The following NF2 variants were observed in gnomAD, a reference collection of about 807,000 sequenced individuals.
NF2 encodes the protein NF2, moesin-ezrin-radixin like (MERLIN) tumor suppressor, also known as merlin.
NF2 carries 8 observed loss-of-function variants against 83.7 expected under a neutral mutation model. That is an observed-to-expected ratio of 0.10 (90% confidence interval 0.06 to 0.17). The LOEUF is 0.17. Ranked by LOEUF, NF2 falls within the 10% of genes least tolerant of loss-of-function variation. The probability of loss-of-function intolerance (pLI) is 1.00; values close to 1 mark genes in which losing one functional copy is unlikely to be tolerated. For synonymous variants in NF2, 266 were observed against 269.6 expected, an observed-to-expected ratio of 0.99 and a Z score of 0.13; for missense variants, 533 against 744.4, an observed-to-expected ratio of 0.72 and a Z score of 3.31.
chr22:29,605,226 C>T (rs544873714), intron 1 of NF2, among the ~76,000 whole-genome samples: 24 of 148,910 alleles, frequency 1.6e-4, no homozygotes, highest in Non-Finnish European at 2.8e-4. Context: ...AGTGCAATGG[C>T]GCGATCTTGT....
Position 29,690,717 on chromosome 22 carries a change from C to T in NF2, c.1738-4035C>T, listed in dbSNP as rs183465323. On this transcript the variant is annotated intron_variant, in intron 15 of 15. Coordinates refer to ENST00000338641, the MANE Select transcript of NF2 (RefSeq NM_000268.4). Reference sequence around the variant, plus strand: ...CTTAATTCCTCCTGTGTTATTCACACGGCTGATTCTAATCAGATGTGAAGA... The same window carrying T: ...CTTAATTCCTCCTGTGTTATTCACATGGCTGATTCTAATCAGATGTGAAGA... Among the ~76,000 whole-genome samples the T allele has an allele frequency of 1.5e-3, 221 of 152,338 alleles. 1 individual carries two copies. Among genetic ancestry groups the T allele is most frequent in the African/African-American group, 4.4e-3 (184 of 41,580 alleles).
At chr22:29,665,232 A>G (rs1439631003) in intron 9 of NF2, among the ~76,000 whole-genome samples, 168 bp downstream of exon 9, 1 of 135,304 alleles carries the variant, frequency 7.4e-6, no homozygotes. Flanking sequence ...TATATCATGA[A>G]GAAGTTTTTT....
At chr22:29,681,006 A>G (rs531951712) in intron 14 of NF2, among the ~76,000 whole-genome samples, 2 of 151,726 alleles carry the variant, frequency 1.3e-5, no homozygotes, top group Admixed American at 6.6e-5. Flanking sequence ...AGAGCCCCCT[A>G]TGAGAATTTA....
intron 1 of NF2, among the ~76,000 whole-genome samples, chr22:29,633,743 TA>T (rs967736219): frequency 6.6e-6 from 1 of 152,106 alleles, no homozygotes; most frequent in African/African-American, 2.4e-5. Context: ...GCATGACTTT[TA>T]AAAAAAGACT....
At chr22:29,652,045 G>A (rs528203833) in intron 4 of NF2, among the ~76,000 whole-genome samples, 2 of 152,238 alleles carry the variant, frequency 1.3e-5, no homozygotes, top group African/African-American at 4.8e-5. Flanking sequence ...ATGCTTACCT[G>A]TATTGTTTTA....
intron 1 of NF2, among the ~76,000 whole-genome samples, chr22:29,627,930 C>A (rs2065407948): frequency 6.6e-6 from 1 of 152,114 alleles, no homozygotes; most frequent in South Asian, 2.1e-4. Flanking sequence ...AAAATATATA[C>A]CTTAAGGCCT....
intron 4 of NF2, among the ~76,000 whole-genome samples, chr22:29,646,898 G>A (rs1192373091): frequency 6.6e-6 from 1 of 152,040 alleles, no homozygotes; most frequent in Non-Finnish European, 1.5e-5. Context: ...ACAAAAATTA[G>A]CCAGGCGTGG....
At chr22:29,686,263 C>T (rs751860268) in intron 15 of NF2, among the ~76,000 whole-genome samples, 8 of 152,194 alleles carry the variant, frequency 5.3e-5, no homozygotes, top group East Asian at 1.9e-4. Flanking sequence ...TGGGCCACAC[C>T]GCCACATCTA....
chr22:29,644,794 G>A (rs1009754313), intron 4 of NF2, among the ~76,000 whole-genome samples: 8 of 152,198 alleles, frequency 5.3e-5, no homozygotes, highest in African/African-American at 1.4e-4. Flanking sequence ...GGTGGCGCGC[G>A]CCTGCAATTG....
intron 1 of NF2, among the ~76,000 whole-genome samples, chr22:29,606,472 C>G (rs145665965): frequency 2.0e-5 from 3 of 152,248 alleles, no homozygotes; most frequent in Non-Finnish European, 2.9e-5. Context: ...TCCTTCCCCA[C>G]AGCTCCAGAG....
At chr22:29,672,447 G>A (rs1328035357) in intron 11 of NF2, among the ~76,000 whole-genome samples, 1 of 151,776 alleles carries the variant, frequency 6.6e-6, no homozygotes, top group Non-Finnish European at 1.5e-5. Flanking sequence ...CTGAGCAGCT[G>A]GGATTACAGG....
Position 29,673,520 on chromosome 22 carries a change from G to A in NF2, c.1340+34G>A, listed in dbSNP as rs1347282670. 3 of 1,583,520 alleles carry A rather than the reference G, an allele frequency of 1.9e-6. No homozygotes were observed. The African/African-American group carries it at 4.0e-5, about 21-fold the overall frequency. On this transcript the variant is annotated intron_variant, in intron 12 of 15. Coordinates refer to ENST00000338641, the MANE Select transcript of NF2 (RefSeq NM_000268.4). ...GCACCGGGCACCAGACTGGCGAGGAGGCTGGCGAAGGGCCGCAGACCAGCC... is the reference window on the plus strand; with the variant it reads ...GCACCGGGCACCAGACTGGCGAGGAAGCTGGCGAAGGGCCGCAGACCAGCC...
At position 29,673,314 on chromosome 22, in the gene NF2, A is replaced by T; in HGVS notation, c.1168A>T (p.Ile390Phe). 1 of 1,594,510 alleles carries T rather than the reference A, an allele frequency of 6.3e-7. No homozygotes were observed. The highest frequency in any genetic ancestry group is 8.5e-7 in the Non-Finnish European group (1 of 1,171,356). Reference sequence around the variant, plus strand: ...TGACCTGTTGGCTGAAAAGGCCCAGATCACCGAGGAGGAGGCAAAACTTCT... The same window carrying T: ...TGACCTGTTGGCTGAAAAGGCCCAGTTCACCGAGGAGGAGGCAAAACTTCT... ...TADLLAEKAQ[I>F]TEEEAKLLAQ... The change falls in exon 12 of 16, where the codon ATC becomes TTC. Residue 390 changes from isoleucine (I) to phenylalanine (F), a missense_variant. Transcript: ENST00000338641.
In NF2 at chr22:29,666,944, C is replaced by G. The variant is rs547667936; in HGVS notation, c.886-1389C>G. 4.8e-4 allele frequency among the ~76,000 whole-genome samples: 73 copies of G among 152,094 alleles called. 1 individual carries two copies. In the South Asian group the frequency reaches 8.7e-3, roughly 18 times the overall value. On this transcript the variant is annotated intron_variant, in intron 9 of 15. Coordinates refer to ENST00000338641, the MANE Select transcript of NF2 (RefSeq NM_000268.4). ...TGAGCCGAGATCATGCCATTGCACT[C>G]CAGCCTGGGCAACAAGAGTAAAACT...
chr22:29,627,188 G>C (rs979863871), intron 1 of NF2, among the ~76,000 whole-genome samples: 1 of 152,292 alleles, frequency 6.6e-6, no homozygotes, highest in South Asian at 2.1e-4. Context: ...ATGCTACATG[G>C]TTTATACAAA....
At chr22:29,631,052 A>G (rs1384753070) in intron 1 of NF2, among the ~76,000 whole-genome samples, 2 of 152,230 alleles carry the variant, frequency 1.3e-5, no homozygotes, top group Non-Finnish European at 2.9e-5. Context: ...GCTTCGAATC[A>G]GTGACTGAAC....
At chr22:29,617,448 AC>A (rs1252647764) in intron 1 of NF2, among the ~76,000 whole-genome samples, 1 of 151,910 alleles carries the variant, frequency 6.6e-6, no homozygotes, top group Non-Finnish European at 1.5e-5. Context: ...TCTGGCCTCT[AC>A]CTACTAGATG....
At chr22:29,631,680 T>G (rs2065515039) in intron 1 of NF2, among the ~76,000 whole-genome samples, 2 of 152,210 alleles carry the variant, frequency 1.3e-5, no homozygotes, top group South Asian at 2.1e-4. Context: ...CTTGAGAATC[T>G]AAGGAGAGGT....
At chr22:29,693,488 C>T (rs1006156783) in intron 15 of NF2, among the ~76,000 whole-genome samples, 4 of 152,216 alleles carry the variant, frequency 2.6e-5, no homozygotes, top group African/African-American at 9.6e-5. Context: ...TTGGAGTCTC[C>T]CTCCCCTGCC....
Sources: allele counts gnomAD v4.1 joint callset (sites outside exome capture counted in the v4.1 genomes callset), GRCh38; gene constraint gnomAD v4.1.1; transcripts MANE v1.5; gene names NCBI Gene and HGNC (gene_info 2026-07-23, HGNC 2026-07-21).